EEPD1: variants seen among roughly 807,000 people sequenced by gnomAD.
The protein encoded by EEPD1 is endonuclease/exonuclease/phosphatase family domain-containing protein 1.
EEPD1 carries 17 observed loss-of-function variants against 46.3 expected under a neutral mutation model. The ratio of observed to expected loss-of-function variants is 0.37; its 90% confidence interval spans 0.25 to 0.55. The LOEUF is 0.55. Ranked by LOEUF, EEPD1 falls within the 20% of genes least tolerant of loss-of-function variation. The pLI is 0.83. For missense variants in EEPD1, 673 were observed against 745.6 expected, an observed-to-expected ratio of 0.90 and a Z score of 1.13; for synonymous variants, 313 against 315.6, an observed-to-expected ratio of 0.99 and a Z score of 0.09.
At position 36,284,636 on chromosome 7, in the gene EEPD1, G is replaced by A. The variant is rs746590280; in HGVS notation, c.1042-50G>A. On this transcript the variant is annotated intron_variant, in intron 4 of 7. Coordinates refer to ENST00000242108, the MANE Select transcript of EEPD1 (RefSeq NM_030636.3). Reference sequence around the variant, plus strand: ...CTGGCCTCTCTGCCTCCTTTCCCCAGGTGGCGCTAGGGCTCTGGCACCAAG... The same window carrying A: ...CTGGCCTCTCTGCCTCCTTTCCCCAAGTGGCGCTAGGGCTCTGGCACCAAG... 1.6e-5 allele frequency: 25 copies of A among 1,579,486 alleles called. No individual in the cohort carries two copies. The Admixed American group carries it at 1.8e-4, about 11-fold the overall frequency.
chr7:36,272,497 TTTG>T (rs1554321108), intron 3 of EEPD1, among the ~76,000 whole-genome samples: 1 of 101,674 alleles, frequency 9.8e-6, no homozygotes, highest in Non-Finnish European at 2.1e-5. Flanking sequence ...TTTCTGGTTT[TTTG>T]TTGTTGTTTT....
chr7:36,270,673 A>G (rs1265673330), intron 3 of EEPD1, among the ~76,000 whole-genome samples: 1 of 152,168 alleles, frequency 6.6e-6, no homozygotes, highest in African/African-American at 2.4e-5. Flanking sequence ...TCCATGGTGT[A>G]TATGTGCCAC....
intron 5 of EEPD1, 137 bp from the exon 6 acceptor site, chr7:36,287,502 C>CT (rs1380715183): frequency 7.5e-7 from 1 of 1,327,178 alleles, no homozygotes; most frequent in Non-Finnish European, 1.0e-6. Flanking sequence ...ACATTATTTC[C>CT]TGGGGGTGTG....
intron 3 of EEPD1, among the ~76,000 whole-genome samples, chr7:36,264,372 T>TA (rs1786979062): frequency 6.6e-6 from 1 of 152,212 alleles, no homozygotes; most frequent in Admixed American, 6.5e-5. Flanking sequence ...GTTACTTAAC[T>TA]ACTTCAGCCC....
chr7:36,178,418 G>A (rs1302155660), intron 2 of EEPD1, among the ~76,000 whole-genome samples: 1 of 152,136 alleles, frequency 6.6e-6, no homozygotes, highest in Non-Finnish European at 1.5e-5. Flanking sequence ...TCTCGGCCAC[G>A]GGGGCCCTCC....
intron 3 of EEPD1, among the ~76,000 whole-genome samples, chr7:36,256,248 G>A (rs759529690): frequency 1.3e-5 from 2 of 152,154 alleles, no homozygotes; most frequent in Non-Finnish European, 2.9e-5. Flanking sequence ...CAATTATGTG[G>A]TCAATTTTAG....
rs113895953 is a variant in EEPD1 at position 36,193,834 on chromosome 7, C to A, written c.878+38632C>A. 1.3e-5 allele frequency among the ~76,000 whole-genome samples: 2 copies of A among 152,290 alleles called. No individual in the cohort carries two copies. Among genetic ancestry groups the A allele is most frequent in the African/African-American group, 4.8e-5 (2 of 41,558 alleles). On this transcript the variant is annotated intron_variant, in intron 2 of 7. Coordinates refer to ENST00000242108, the MANE Select transcript of EEPD1 (RefSeq NM_030636.3). This position sits in a 1 kb window ranked among gnomAD's most constrained non-coding sequence, Gnocchi z 4.9. ...CTCTCTTTATGGCTGCCACCTCCCT[C>A]TGGGAGGGCCTGGGGGACCCTGACA...
intron 2 of EEPD1, among the ~76,000 whole-genome samples, chr7:36,211,912 C>T (rs10951465): frequency 0.079 from 11,461 of 144,430 alleles, 681 homozygotes; most frequent in East Asian, 0.17. Flanking sequence ...GCAACAAGAG[C>T]GAGACTCCAT....
intron 3 of EEPD1, among the ~76,000 whole-genome samples, chr7:36,240,652 A>G (rs935781035): frequency 3.3e-5 from 5 of 152,252 alleles, no homozygotes; most frequent in African/African-American, 4.8e-5. Context: ...AGTAAATGAG[A>G]TGAAGGTATT....
chr7:36,207,594 A>G (rs1323124152), intron 2 of EEPD1, among the ~76,000 whole-genome samples: 1 of 152,146 alleles, frequency 6.6e-6, no homozygotes, highest in East Asian at 1.9e-4. Flanking sequence ...GGTCTTTAGG[A>G]CGGGGATAAG....
At chr7:36,201,744 C>A (rs1401285069) in intron 2 of EEPD1, among the ~76,000 whole-genome samples, 2 of 152,168 alleles carry the variant, frequency 1.3e-5, no homozygotes, top group Non-Finnish European at 2.9e-5. Flanking sequence ...TCACCATGCA[C>A]CCTCTTGGAT....
At chr7:36,216,458 C>T (rs1299412489) in intron 2 of EEPD1, among the ~76,000 whole-genome samples, 2 of 152,080 alleles carry the variant, frequency 1.3e-5, no homozygotes, top group East Asian at 3.8e-4. Context: ...TCAAAATTAC[C>T]CAGAGCAAGG....
intron 2 of EEPD1, among the ~76,000 whole-genome samples, chr7:36,168,052 A>G (rs967403764): frequency 6.6e-6 from 1 of 152,072 alleles, no homozygotes; most frequent in Non-Finnish European, 1.5e-5. Context: ...GGGCTCCCCT[A>G]TCAGCATGTA....
At chr7:36,297,729 T>C (rs1361537951) in intron 7 of EEPD1, among the ~76,000 whole-genome samples, 3 of 152,130 alleles carry the variant, frequency 2.0e-5, no homozygotes, top group African/African-American at 7.2e-5. Context: ...TCATATAGTG[T>C]CACAATGGGA....
At chr7:36,285,788 T>C (rs948762657) in intron 5 of EEPD1, among the ~76,000 whole-genome samples, 1 of 152,178 alleles carries the variant, frequency 6.6e-6, no homozygotes, top group Non-Finnish European at 1.5e-5. Flanking sequence ...ATCTGCCAGC[T>C]GAGGGTTGGG....
chr7:36,156,057 C>T (rs1009218567), intron 2 of EEPD1, among the ~76,000 whole-genome samples: 4 of 152,194 alleles, frequency 2.6e-5, no homozygotes, highest in Admixed American at 2.0e-4. Flanking sequence ...GTGATGGTCC[C>T]TTCCAGGTCA....
chr7:36,254,626 C>T (rs536346718), intron 3 of EEPD1, among the ~76,000 whole-genome samples: 76 of 152,214 alleles, frequency 5.0e-4, no homozygotes, highest in Admixed American at 1.0e-3. Context: ...GGTTTATAAT[C>T]CTTTGGGTAT....
At chr7:36,246,460 C>A (rs557327023) in intron 3 of EEPD1, among the ~76,000 whole-genome samples, 20 of 152,262 alleles carry the variant, frequency 1.3e-4, no homozygotes, top group African/African-American at 4.6e-4. Flanking sequence ...TTATGTATAT[C>A]GTAAGCACCA....
chr7:36,177,210 G>A (rs536618235), intron 2 of EEPD1, among the ~76,000 whole-genome samples: 2 of 150,828 alleles, frequency 1.3e-5, no homozygotes, highest in South Asian at 4.2e-4. Flanking sequence ...AGTTATTGCT[G>A]TGTGCTTTAA....
Sources: allele counts gnomAD v4.1 joint callset (sites outside exome capture counted in the v4.1 genomes callset), GRCh38; gene constraint gnomAD v4.1.1; non-coding constraint Gnocchi (gnomAD v3.1); transcripts MANE v1.5; gene names NCBI Gene and HGNC (gene_info 2026-07-23, HGNC 2026-07-21).